The following KNDC1 variants were observed in gnomAD, a reference collection of about 807,000 sequenced individuals.
KNDC1 encodes kinase non-catalytic C-lobe domain containing 1, also known as kinase non-catalytic C-lobe domain-containing protein 1.
In KNDC1, 106 loss-of-function variants were observed where a neutral mutation model predicts 172.8. The ratio of observed to expected loss-of-function variants is 0.61; its 90% CI spans 0.52 to 0.72. The LOEUF (loss-of-function observed/expected upper bound fraction) is 0.72, where lower values mean the gene tolerates loss of function less well. Ranked by LOEUF, KNDC1 falls within the 30% of genes least tolerant of loss-of-function variation. The probability of loss-of-function intolerance (pLI) is 0.00; values close to 1 mark genes in which losing one functional copy is unlikely to be tolerated. For synonymous variants in KNDC1, 1,083 were observed against 1,062.2 expected (o/e 1.02, Z -0.38); for missense variants, 2,325 against 2,394.5 (o/e 0.97, Z 0.61).
At chr10:133,215,121 C>G (rs764395010) in intron 26 of KNDC1, among the ~76,000 whole-genome samples, 3 of 152,212 alleles carry the variant, frequency 2.0e-5, no homozygotes, top group East Asian at 1.9e-4. Context: ...CCCCTTCCCC[C>G]ACAGCAGGCA....
intron 23 of KNDC1, 77 bp from the exon 24 acceptor site, chr10:133,212,639 C>A (rs1282730763): frequency 2.3e-6 from 3 of 1,330,220 alleles, no homozygotes; most frequent in Non-Finnish European, 2.1e-6. Flanking sequence ...TCCTCACCCC[C>A]CAACCCTGCC....
chr10:133,189,141 C>T (rs1054001947), intron 7 of KNDC1, among the ~76,000 whole-genome samples: 2 of 152,246 alleles, frequency 1.3e-5, no homozygotes, highest in South Asian at 2.1e-4. Context: ...GGCAGACGGA[C>T]GGTGCATCTG....
At position 133,195,781 on chromosome 10, in the gene KNDC1, G is replaced by A. The variant is rs768586413; in HGVS notation, c.1694G>A (p.Arg565His). Residue 565 changes from arginine (R) to histidine (H), a missense_variant, in exon 10 of 30, where the codon CGC (arginine) becomes CAC (histidine). Transcript: ENST00000304613. The stretch of plus-strand genomic sequence containing the variant: ...ACCCTCCTCCTGGACATGGCCAGGC[G>A]CAGTGCCCCGGAGCGGCCGTCCGCG... The part of the protein sequence containing the change: ...LKTLLLDMAR[R>H]SAPERPSAAE... 2.4e-5 allele frequency: 38 copies of A among 1,598,260 alleles called. No individual in the cohort carries two copies. The highest frequency in any genetic ancestry group is 1.7e-4 in the Middle Eastern group (1 of 5,974).
At position 133,206,754 on chromosome 10, in the gene KNDC1, T is replaced by C. The variant is rs761879446; in HGVS notation, c.3457T>C (p.Leu1153=). 3 of 1,614,074 alleles carry C rather than the reference T, an allele frequency of 1.9e-6. No homozygotes were observed. The highest frequency in any genetic ancestry group is 2.5e-6 in the Non-Finnish European group (3 of 1,180,008). ...GACCCTGAAGTTCTACCAGAAACTC[T>C]TACAGAAGGAAAAGAGGAACAAAGG... is the stretch of plus-strand genomic sequence containing the variant. ...RKTLKFYQKL[L]QKEKRNKGSD... Residue 1153 remains leucine (L), a synonymous_variant, in exon 18 of 30, where the codon TTA becomes CTA. Transcript: ENST00000304613.
At chr10:133,172,417 A>G (rs1853403910) in intron 3 of KNDC1, among the ~76,000 whole-genome samples, 1 of 152,196 alleles carries the variant, frequency 6.6e-6, no homozygotes. Flanking sequence ...AAAAACCTAA[A>G]TTGGGCAAGT....
At chr10:133,170,441 C>T (rs1226445740) in intron 3 of KNDC1, among the ~76,000 whole-genome samples, 1 of 152,154 alleles carries the variant, frequency 6.6e-6, no homozygotes, top group East Asian at 1.9e-4. Context: ...TGGGGTCTCA[C>T]ACACAGGACA....
At position 133,197,740 on chromosome 10, in the gene KNDC1, T is replaced by C. The variant is rs1169704103; in HGVS notation, c.1878T>C (p.Ser626=). ...NAFSVVELKP[S]VAPAPEPSPG... ...TCTCAGTGGTTGAACTGAAGCCCAG[T>C]GTGGCACCAGCCCCAGAGCCCAGCC... Residue 626 remains serine (S), a synonymous_variant, in exon 12 of 30, where the codon AGT becomes AGC. Transcript: ENST00000304613. 6.2e-6 allele frequency: 10 copies of C among 1,612,912 alleles called. No homozygotes were observed. The highest frequency in any genetic ancestry group is 8.5e-6 in the Non-Finnish European group (10 of 1,179,878).
chr10:133,211,802 G>A lies in KNDC1; in HGVS notation c.4180G>A (p.Ala1394Thr), dbSNP rs747152837. ...LENPREAEED[A>T]RPFNALCKRL... ...GAACCCCAGGGAGGCCGAGGAGGAT[G>A]CCAGACCCTTCAACGCCCTCTGTAA... The change falls in exon 23 of 30, where the codon GCC becomes ACC. Residue 1394 changes from alanine to threonine, a missense_variant. Physicochemically the swap from Ala to Thr is moderately conservative, Grantham distance 58. Transcript: ENST00000304613. 1.1e-5 allele frequency: 18 copies of A among 1,610,436 alleles called. No individual in the cohort carries two copies. In the Admixed American group the frequency reaches 2.4e-4, roughly 21 times the overall value.
At chr10:133,165,476 C>A (rs1853120284) in intron 1 of KNDC1, among the ~76,000 whole-genome samples, 2 of 152,180 alleles carry the variant, frequency 1.3e-5, no homozygotes, top group Non-Finnish European at 1.5e-5. Flanking sequence ...CCCAGGGCCC[C>A]GCAGGGGGAC....
Position 133,206,867 on chromosome 10 carries a change from A to G in KNDC1, c.3493A>G (p.Lys1165Glu). 6.2e-7 allele frequency: 1 copy of G among 1,614,138 alleles called. No homozygotes were observed. The highest frequency in any genetic ancestry group is 1.3e-5 in the African/African-American group (1 of 75,074). Residue 1165 changes from lysine to glutamate, a missense_variant, in exon 19 of 30, where the codon AAG becomes GAG. By Grantham distance (56) the Lys-to-Glu change is moderately conservative (BLOSUM62 1). Coordinates refer to ENST00000304613, the MANE Select transcript of KNDC1 (RefSeq NM_152643.8). ...TGCTCCACCCACAGGTTCCGACGTC[A>G]AGACCATGCTGTCCAAGCTGAAAGG... is the stretch of plus-strand genomic sequence containing the variant. ...KEKRNKGSDV[K>E]TMLSKLKGQL... is the part of the protein sequence containing the mutation.
At position 133,181,834 on chromosome 10, in the gene KNDC1, C is replaced by CCACACACACACACACACACACA. The variant is rs369062586; in HGVS notation, c.361-1504_361-1483dup. On this transcript the variant is annotated intron_variant, in intron 3 of 29. Coordinates refer to ENST00000304613, the MANE Select transcript of KNDC1 (RefSeq NM_152643.8). ...CCAGACCAGGAAGCCCCAGGACCGT[C>CCACACACACACACACACACACA]CACACACACACACACACACACACAC... 4.9e-3 allele frequency among the ~76,000 whole-genome samples: 685 copies of CCACACACACACACACACACACA among 138,860 alleles called. 7 individuals carry two copies. Among genetic ancestry groups the CCACACACACACACACACACACA allele is most frequent in the African/African-American group, 0.017 (652 of 38,830 alleles). 91.1% of individuals were successfully genotyped at this position (138,860 alleles called of 152,430 possible). A position where few individuals can be genotyped will look rare whatever the true frequency, so the allele number is the denominator to read the frequency against.
chr10:133,184,124 A>ATAC (rs1350185207), intron 5 of KNDC1, 135 bp downstream of exon 5: 6 of 495,502 alleles, frequency 1.2e-5, no homozygotes, highest in Non-Finnish European at 2.2e-5. Context: ...ACACACACCC[A>ATAC]TGCACACACA....
intron 6 of KNDC1, among the ~76,000 whole-genome samples, chr10:133,187,064 GC>G (rs910665147): frequency 5.9e-5 from 9 of 152,256 alleles, no homozygotes; most frequent in Non-Finnish European, 1.3e-4. Context: ...GATGCTCACA[GC>G]CCTCCTCATC....
intron 26 of KNDC1, among the ~76,000 whole-genome samples, chr10:133,216,798 G>C (rs956801726): frequency 6.6e-6 from 1 of 152,252 alleles, no homozygotes; most frequent in Non-Finnish European, 1.5e-5. Context: ...ACGGAGAGAA[G>C]AACAGATAAA....
intron 20 of KNDC1, among the ~76,000 whole-genome samples, chr10:133,210,135 C>T (rs555469608): frequency 1.3e-3 from 196 of 152,100 alleles, no homozygotes; most frequent in African/African-American, 4.4e-3. Flanking sequence ...CCTGTCATTC[C>T]AGCACTTTGG....
intron 3 of KNDC1, 131 bp from the exon 4 acceptor site, chr10:133,183,213 C>A (rs1198686593): frequency 5.2e-6 from 6 of 1,157,612 alleles, no homozygotes; most frequent in African/African-American, 1.6e-5. Context: ...AGCGTGGGCA[C>A]GGGTGCTGCT....
rs375645229 is a variant in KNDC1, at chr10:133,208,439, T to C, written c.3794+1088T>C. ...ACCCCAAGGACCCTCTAGAGAGGGATGTGGCCCCCCCAACCCCGTTACCCC... is the reference window on the plus strand; with the variant it reads ...ACCCCAAGGACCCTCTAGAGAGGGACGTGGCCCCCCCAACCCCGTTACCCC... On this transcript the variant is annotated intron_variant, in intron 20 of 29. Coordinates refer to ENST00000304613, the MANE Select transcript of KNDC1 (RefSeq NM_152643.8). Among the ~76,000 whole-genome samples, 2 of 24,396 alleles carry C rather than the reference T, an allele frequency of 8.2e-5. 1 individual carries two copies. The highest frequency in any genetic ancestry group is 3.8e-4 in the African/African-American group (2 of 5,328). 16.0% of individuals were successfully genotyped at this position (24,396 alleles called of 152,430 possible).
intron 11 of KNDC1, among the ~76,000 whole-genome samples, 169 bp from the exon 12 acceptor site, chr10:133,197,506 T>C (rs1854227518): frequency 6.6e-6 from 1 of 152,064 alleles, no homozygotes; most frequent in African/African-American, 2.4e-5. Flanking sequence ...AACGGCTCCC[T>C]CTCCAGGCAG....
At chr10:133,196,146 G>C (rs959222541) in intron 10 of KNDC1, among the ~76,000 whole-genome samples, 1 of 152,170 alleles carries the variant, frequency 6.6e-6, no homozygotes, top group Non-Finnish European at 1.5e-5. Flanking sequence ...CTGTGGGCAC[G>C]TGCAGACCCC....
Sources: gnomAD v4.1 joint callset for allele counts (sites outside exome capture counted in the v4.1 genomes callset) on GRCh38, gnomAD v4.1.1 for gene constraint, MANE v1.5 for transcripts, NCBI Gene and HGNC (gene_info 2026-07-23, HGNC 2026-07-21) for gene names.